FBXL5: variants seen among roughly 807,000 people sequenced by gnomAD.
FBXL5 encodes the protein F-box/LRR-repeat protein 5.
Under a neutral mutation model 78.3 loss-of-function variants are expected in FBXL5, and 26 were observed. The observed-to-expected ratio is 0.33, with a 90% confidence interval of 0.24 to 0.46. The LOEUF (loss-of-function observed/expected upper bound fraction) is 0.46. Among genes scored for constraint, FBXL5 ranks in the 20% least tolerant of loss-of-function variants. The probability of loss-of-function intolerance (pLI) is 1.00; values close to 1 mark genes in which losing one functional copy is unlikely to be tolerated. For synonymous variants in FBXL5, 295 were observed against 282.5 expected, an observed-to-expected ratio of 1.04 and a Z score of -0.45; for missense variants, 710 against 829.2, an observed-to-expected ratio of 0.86 and a Z score of 1.77.
chr4:15,652,934 G>T (rs1383961264), intron 1 of FBXL5, among the ~76,000 whole-genome samples: 1 of 152,178 alleles, frequency 6.6e-6, no homozygotes, highest in African/African-American at 2.4e-5. Flanking sequence ...ATGGCAAAAC[G>T]TGAGATGATA....
At chr4:15,615,924 A>G (rs575693596) in intron 9 of FBXL5, among the ~76,000 whole-genome samples, 46 of 152,196 alleles carry the variant, frequency 3.0e-4, no homozygotes, top group African/African-American at 1.1e-3. Context: ...GCTCTTTGCA[A>G]TAAATCTTGC....
intron 1 of FBXL5, among the ~76,000 whole-genome samples, chr4:15,651,783 C>T (rs1716092738): frequency 6.6e-6 from 1 of 152,142 alleles, no homozygotes; most frequent in Non-Finnish European, 1.5e-5. Context: ...AATTTGGGCA[C>T]ACCTTAAGGC....
In FBXL5 at chr4:15,625,244, T is replaced by G. The variant is rs373889498; in HGVS notation, c.1850+8A>C. ...CTATTTCTTAATATTCTGGAACTGATAACTCACCTGAGACCATGGTCTGTG... is the reference window on the plus strand; with the variant it reads ...CTATTTCTTAATATTCTGGAACTGAGAACTCACCTGAGACCATGGTCTGTG... On this transcript the variant is annotated splice_region_variant and intron_variant, in intron 9 of 10. Transcript: ENST00000341285. 3 of 1,586,788 alleles carry G rather than the reference T, an allele frequency of 1.9e-6. No individual in the cohort carries two copies. The African/African-American group carries it at 4.1e-5, about 22-fold the overall frequency.
chr4:15,656,390 G>A (rs1716950665), upstream of FBXL5: 5 of 430,122 alleles, frequency 1.2e-5, no homozygotes, highest in South Asian at 8.0e-5. Flanking sequence ...TGAGAACCTT[G>A]GGAGGAATTG....
chr4:15,626,449 A>G (rs1713070324), intron 8 of FBXL5, among the ~76,000 whole-genome samples: 1 of 152,236 alleles, frequency 6.6e-6, no homozygotes, highest in East Asian at 1.9e-4. Flanking sequence ...GAGCAATAAT[A>G]CAGAGAATTG....
chr4:15,661,189 T>A (rs1467173979), upstream of FBXL5, among the ~76,000 whole-genome samples: 1 of 152,228 alleles, frequency 6.6e-6, no homozygotes, highest in African/African-American at 2.4e-5. Flanking sequence ...CCAAGGTGAT[T>A]CTTTGGACTA....
chr4:15,663,996 G>A (rs1717425207), upstream of FBXL5, among the ~76,000 whole-genome samples: 1 of 152,074 alleles, frequency 6.6e-6, no homozygotes, highest in Admixed American at 6.6e-5. Flanking sequence ...CTCTTATCCT[G>A]ATTTTTCAGA....
At chr4:15,643,772 G>A (rs988284827) in intron 2 of FBXL5, among the ~76,000 whole-genome samples, 1 of 152,148 alleles carries the variant, frequency 6.6e-6, no homozygotes, top group Non-Finnish European at 1.5e-5. Context: ...TTCATTCTAA[G>A]TAATAATTAT....
intron 9 of FBXL5, among the ~76,000 whole-genome samples, chr4:15,615,111 A>G (rs1256897569): frequency 6.6e-6 from 1 of 152,074 alleles, no homozygotes; most frequent in Non-Finnish European, 1.5e-5. Flanking sequence ...GCCCACCGGC[A>G]CCGCGCTCGA....
At chr4:15,668,087 C>T (rs1188190653) in intron 1 of FBXL5, among the ~76,000 whole-genome samples, 1 of 149,922 alleles carries the variant, frequency 6.7e-6, no homozygotes, top group Non-Finnish European at 1.5e-5. Flanking sequence ...TCAACTTAAT[C>T]GAAAAGCCAA....
intron 5 of FBXL5, among the ~76,000 whole-genome samples, chr4:15,632,392 C>G (rs1042307727): frequency 6.6e-6 from 1 of 152,060 alleles, no homozygotes; most frequent in Non-Finnish European, 1.5e-5. Context: ...GTCTTGGCAA[C>G]GCGGGCTCTT....
chr4:15,605,716 T>G lies in FBXL5; in HGVS notation c.*7A>C, dbSNP rs1447642186. On this transcript the variant is annotated 3_prime_UTR_variant, in exon 11 of 11. Coordinates refer to ENST00000341285, the MANE Select transcript of FBXL5 (RefSeq NM_012161.4). ...AAATGAAGTAGACAAAGATCAGAAG[T>G]CAAGGGTCATTCGCCAGAGCGGCAG... The G allele has an allele frequency of 6.2e-6, 10 of 1,612,584 alleles. No individual in the cohort carries two copies. The highest frequency in any genetic ancestry group is 1.6e-4 in the Middle Eastern group (1 of 6,076).
At chr4:15,662,496 A>G (rs1236200937), upstream of FBXL5, among the ~76,000 whole-genome samples, 5 of 152,210 alleles carry the variant, frequency 3.3e-5, no homozygotes, top group African/African-American at 1.2e-4. Context: ...CTATCTTTTA[A>G]TATTGCTATA....
intron 3 of FBXL5, among the ~76,000 whole-genome samples, chr4:15,640,473 C>T (rs1714743329): frequency 6.7e-6 from 1 of 149,910 alleles, no homozygotes; most frequent in Non-Finnish European, 1.5e-5. Context: ...AAAGAATCCT[C>T]TAAAGGTTCT....
upstream of FBXL5, chr4:15,656,127 G>A (rs1482182910): frequency 4.4e-6 from 2 of 454,770 alleles, no homozygotes. Flanking sequence ...GGCCTTGGGG[G>A]TGGGGAGAAG....
intron 5 of FBXL5, 42 bp from the exon 6 acceptor site, chr4:15,630,833 A>T: frequency 6.3e-7 from 1 of 1,598,426 alleles, no homozygotes; most frequent in Non-Finnish European, 8.5e-7. Context: ...AAATAATATC[A>T]GATTGCCTGC....
At chr4:15,617,059 T>C (rs930511934) in intron 9 of FBXL5, among the ~76,000 whole-genome samples, 3 of 152,216 alleles carry the variant, frequency 2.0e-5, no homozygotes, top group Non-Finnish European at 4.4e-5. Context: ...GAGGACAGTA[T>C]AGCAATTTCT....
In FBXL5 at chr4:15,607,706, C is replaced by T. The variant is rs116060996; in HGVS notation, c.2000-1907G>A. 2.5e-3 allele frequency among the ~76,000 whole-genome samples: 388 copies of T among 152,260 alleles called. 3 individuals carry two copies. The highest frequency in any genetic ancestry group is 8.9e-3 in the African/African-American group (368 of 41,548). On this transcript the variant is annotated intron_variant, in intron 10 of 10. Transcript: ENST00000341285. ...GCCCACTGTTTTGTCTACCAATCAC[C>T]TAGTGCCTCTCCTCAAGACACAAGC... is the stretch of plus-strand genomic sequence containing the variant.
chr4:15,655,000 C>A (rs1432146009), intron 1 of FBXL5, among the ~76,000 whole-genome samples: 2 of 151,488 alleles, frequency 1.3e-5, no homozygotes, highest in Admixed American at 6.6e-5. Context: ...ACGTCCGAGG[C>A]GGCGGCCAGG....
Sources: allele counts gnomAD v4.1 joint callset (sites outside exome capture counted in the v4.1 genomes callset), GRCh38; gene constraint gnomAD v4.1.1; transcripts MANE v1.5; gene names NCBI Gene and HGNC (gene_info 2026-07-23, HGNC 2026-07-21).